The following CCDC93 variants were observed in gnomAD, a reference collection of about 807,000 sequenced individuals.
The protein encoded by CCDC93 is coiled-coil domain-containing protein 93.
In CCDC93, 61 loss-of-function variants were observed where a neutral mutation model predicts 108.2. That is an observed-to-expected ratio of 0.56 (90% CI 0.46 to 0.70). The LOEUF is 0.70. Among genes scored for constraint, CCDC93 ranks in the 30% least tolerant of loss-of-function variants. CCDC93 has a pLI of 0.00. For synonymous variants in CCDC93, 276 were observed against 260.4 expected (o/e 1.06, Z -0.58); for missense variants, 685 against 764.2 (o/e 0.90, Z 1.22).
chr2:117,969,459 C>G (rs538295472), intron 11 of CCDC93, among the ~76,000 whole-genome samples: 1 of 152,202 alleles, frequency 6.6e-6, no homozygotes, highest in Non-Finnish European at 1.5e-5. Flanking sequence ...AACAGTGAGA[C>G]AATAAATGTG....
chr2:117,948,163 A>G lies in CCDC93; in HGVS notation c.1166T>C (p.Leu389Pro). ...TTTCAGATTTTCATTCATGGCTACA[A>G]GTGCTCTCAGGTTCTGTAGGATACT... ...DPSILQNLRA[L>P]VAMNENLKSQ... Residue 389 changes from leucine to proline, a missense_variant, in exon 15 of 24, where the codon CTT (leucine) becomes CCT (proline). Leu to Pro is a moderately conservative substitution (Grantham distance 98, BLOSUM62 -3). Transcript: ENST00000376300. 6.2e-7 allele frequency: 1 copy of G among 1,613,740 alleles called. No homozygotes were observed. The highest frequency in any genetic ancestry group is 8.5e-7 in the Non-Finnish European group (1 of 1,179,654).
chr2:117,981,941 TA>T (rs1680136964), intron 7 of CCDC93, among the ~76,000 whole-genome samples: 1 of 152,084 alleles, frequency 6.6e-6, no homozygotes, highest in Admixed American at 6.5e-5. Flanking sequence ...AATAGGGACA[TA>T]AAAAGCCCTA....
chr2:117,942,640 G>T (rs964067059), intron 18 of CCDC93, among the ~76,000 whole-genome samples: 1 of 152,142 alleles, frequency 6.6e-6, no homozygotes, highest in Non-Finnish European at 1.5e-5. Context: ...CTGCTCAGGT[G>T]CATCTTCACT....
chr2:117,936,609 C>T, intron 21 of CCDC93, 93 bp downstream of exon 21: 1 of 1,002,948 alleles, frequency 1.0e-6, no homozygotes, highest in Non-Finnish European at 1.6e-6. Flanking sequence ...TTGCATGTAC[C>T]TTTGTCAAGC....
chr2:118,009,532 CA>C (rs1277858626), intron 1 of CCDC93, among the ~76,000 whole-genome samples: 5 of 152,100 alleles, frequency 3.3e-5, no homozygotes, highest in African/African-American at 1.2e-4. Context: ...ATTAGCTGAG[CA>C]TGGTGGTGCA....
At chr2:117,940,615 T>TG (rs1456620338) in intron 19 of CCDC93, among the ~76,000 whole-genome samples, 1 of 152,126 alleles carries the variant, frequency 6.6e-6, no homozygotes, top group African/African-American at 2.4e-5. Context: ...CTAGGGGACT[T>TG]GGAGGCACTG....
intron 3 of CCDC93, 147 bp downstream of exon 3, chr2:118,006,575 G>A (rs1676876174): frequency 3.1e-6 from 2 of 649,622 alleles, no homozygotes; most frequent in East Asian, 2.8e-5. Flanking sequence ...TTCAGTCTCA[G>A]TTTCATTTGT....
intron 13 of CCDC93, among the ~76,000 whole-genome samples, chr2:117,952,060 G>GT (rs1329393888): frequency 6.6e-6 from 1 of 152,050 alleles, no homozygotes; most frequent in Non-Finnish European, 1.5e-5. Context: ...GAGTGACACT[G>GT]TGAGTTCTTC....
chr2:117,971,905 T>C (rs1054885447), intron 11 of CCDC93, among the ~76,000 whole-genome samples: 1 of 152,250 alleles, frequency 6.6e-6, no homozygotes, highest in Non-Finnish European at 1.5e-5. Flanking sequence ...CTATACTACC[T>C]ACCCAATGAA....
chr2:117,995,502 C>A lies in CCDC93; in HGVS notation c.463G>T (p.Asp155Tyr). The A allele has an allele frequency of 6.2e-7, 1 of 1,612,606 alleles. No homozygotes were observed. Among genetic ancestry groups the A allele is most frequent in the Non-Finnish European group, 8.5e-7 (1 of 1,178,564 alleles). The change falls in exon 6 of 24, where the codon GAT (aspartate) becomes TAT (tyrosine). Residue 155 changes from aspartate to tyrosine, a missense_variant and splice_region_variant. Transcript: ENST00000376300. The stretch of plus-strand genomic sequence containing the variant: ...TCTTTTCTCTTTATGAAGTCATCAT[C>A]CTACAAGACAAAACAGAGCGATTAA... ...QFQKTYSLPE[D>Y]DDFIKRKEKA...
intron 7 of CCDC93, among the ~76,000 whole-genome samples, chr2:117,981,321 C>G (rs919559600): frequency 6.6e-6 from 1 of 152,184 alleles, no homozygotes; most frequent in Non-Finnish European, 1.5e-5. Context: ...CTAAAGGCCT[C>G]ATCCATGTCA....
At chr2:117,955,688 T>C (rs148459329) in intron 12 of CCDC93, among the ~76,000 whole-genome samples, 3 of 152,316 alleles carry the variant, frequency 2.0e-5, no homozygotes, top group African/African-American at 7.2e-5. Flanking sequence ...TTCATAAGGA[T>C]GCTGTGTGAA....
intron 1 of CCDC93, 83 bp from the exon 2 acceptor site, chr2:118,008,741 C>A (rs1676942683): frequency 1.2e-6 from 1 of 813,522 alleles, no homozygotes; most frequent in African/African-American, 1.7e-5. Flanking sequence ...GCCACAAGCT[C>A]ATTGCCAAGG....
At chr2:118,006,226 CAGA>C (rs1558806783) in intron 3 of CCDC93, among the ~76,000 whole-genome samples, 1 of 152,140 alleles carries the variant, frequency 6.6e-6, no homozygotes, top group Admixed American at 6.5e-5. Context: ...CTGAGGCCCA[CAGA>C]AGGAGTGGCT....
intron 20 of CCDC93, among the ~76,000 whole-genome samples, chr2:117,938,164 T>C (rs948941523): frequency 2.0e-5 from 3 of 152,150 alleles, no homozygotes; most frequent in Admixed American, 6.5e-5. Context: ...ATTATAATCA[T>C]CATCAATGCA....
intron 4 of CCDC93, chr2:117,997,992 A>G (rs1680712994): frequency 6.6e-6 from 1 of 152,236 alleles, no homozygotes; most frequent in South Asian, 2.1e-4. Flanking sequence ...AAGCTTGTTG[A>G]GTCCTAACAG....
In CCDC93 at chr2:117,952,045, T is replaced by G. The variant is rs76613800; in HGVS notation, c.1068+328A>C. Among the ~76,000 whole-genome samples, 476 of 151,972 alleles carry G rather than the reference T, an allele frequency of 3.1e-3. 5 individuals are homozygous for G. Among genetic ancestry groups the G allele is most frequent in the African/African-American group, 0.011 (455 of 41,454 alleles). ...CTGCTGTTTGAGGGGCAGGAGCTATTTACTGAGTGACACTGTGAGTTCTTC... is the reference window on the plus strand; with the variant it reads ...CTGCTGTTTGAGGGGCAGGAGCTATGTACTGAGTGACACTGTGAGTTCTTC... On this transcript the variant is annotated intron_variant, in intron 13 of 23. Transcript: ENST00000376300.
chr2:117,996,214 T>A, intron 5 of CCDC93, 50 bp downstream of exon 5: 1 of 1,227,966 alleles, frequency 8.1e-7, no homozygotes, highest in Non-Finnish European at 1.2e-6. Flanking sequence ...GTCTCTTAAG[T>A]GTGCACTCTG....
At chr2:117,969,155 C>T (rs369903215) in intron 11 of CCDC93, among the ~76,000 whole-genome samples, 41 of 152,270 alleles carry the variant, frequency 2.7e-4, no homozygotes, top group East Asian at 2.3e-3. Flanking sequence ...TATGTAATTA[C>T]GTTATGTAAG....
Sources: allele counts gnomAD v4.1 joint callset (sites outside exome capture counted in the v4.1 genomes callset), GRCh38; gene constraint gnomAD v4.1.1; transcripts MANE v1.5; gene names NCBI Gene and HGNC (gene_info 2026-07-23, HGNC 2026-07-21).